The following CAMK2D variants were observed in gnomAD, a reference collection of about 807,000 sequenced individuals.
CAMK2D encodes the protein calcium/calmodulin-dependent protein kinase type II subunit delta.
CAMK2D carries 37 observed loss-of-function variants against 84.0 expected under a neutral mutation model. The observed-to-expected ratio is 0.44, with a 90% CI of 0.34 to 0.58. The LOEUF is 0.58. CAMK2D is among the 20% of genes least tolerant of loss of function. The pLI, the probability that CAMK2D is intolerant of heterozygous loss-of-function variation, is 0.02. For synonymous variants in CAMK2D, 202 were observed against 212.5 expected (o/e 0.95, Z 0.43); for missense variants, 448 against 652.5 (o/e 0.69, Z 3.41).
At chr4:113,625,931 T>C (rs2099066166) in intron 3 of CAMK2D, among the ~76,000 whole-genome samples, 1 of 151,880 alleles carries the variant, frequency 6.6e-6, no homozygotes, top group South Asian at 2.1e-4. Flanking sequence ...GGAGAATCGC[T>C]TGAACCCAGG....
At chr4:113,743,167 C>T (rs1279585526) in intron 2 of CAMK2D, among the ~76,000 whole-genome samples, 1 of 152,150 alleles carries the variant, frequency 6.6e-6, no homozygotes, top group Non-Finnish European at 1.5e-5. Flanking sequence ...CATCTCTCTG[C>T]TAGATGCAAC....
intron 2 of CAMK2D, among the ~76,000 whole-genome samples, chr4:113,736,831 G>A (rs908534141): frequency 4.6e-5 from 7 of 152,132 alleles, no homozygotes; most frequent in African/African-American, 7.2e-5. Flanking sequence ...CTGGTTCCTC[G>A]TGATTCATTA....
At chr4:113,645,894 C>T (rs1210858035) in intron 3 of CAMK2D, among the ~76,000 whole-genome samples, 1 of 152,182 alleles carries the variant, frequency 6.6e-6, no homozygotes, top group Non-Finnish European at 1.5e-5. Context: ...GTATGAGAAA[C>T]ACATCAAAGA....
chr4:113,479,585 C>T (rs1013483927), intron 16 of CAMK2D, among the ~76,000 whole-genome samples: 2 of 152,126 alleles, frequency 1.3e-5, no homozygotes, highest in African/African-American at 4.8e-5. Flanking sequence ...TAAAAGAACA[C>T]CGTCATCTTC....
intron 4 of CAMK2D, among the ~76,000 whole-genome samples, chr4:113,572,448 T>A (rs1328987366): frequency 6.9e-5 from 10 of 144,926 alleles, no homozygotes; most frequent in African/African-American, 2.3e-4. Flanking sequence ...AATTTTTATT[T>A]AAAAAAAAAA....
At chr4:113,508,721 A>G (rs2098166356) in intron 13 of CAMK2D, among the ~76,000 whole-genome samples, 1 of 152,242 alleles carries the variant, frequency 6.6e-6, no homozygotes, top group Non-Finnish European at 1.5e-5. Flanking sequence ...TTGCACACAG[A>G]CAGGTGGTAA....
chr4:113,486,850 T>C (rs1169485072), intron 16 of CAMK2D, among the ~76,000 whole-genome samples: 1 of 152,208 alleles, frequency 6.6e-6, no homozygotes, highest in Non-Finnish European at 1.5e-5. Context: ...TAGAATACAG[T>C]CCCTATAATC....
chr4:113,745,752 C>T (rs1360922690), intron 2 of CAMK2D, among the ~76,000 whole-genome samples: 2 of 152,128 alleles, frequency 1.3e-5, no homozygotes, highest in African/African-American at 2.4e-5. Context: ...AAAGATAGAA[C>T]ATTTTTATAG....
At chr4:113,585,816 C>A (rs954487193) in intron 4 of CAMK2D, among the ~76,000 whole-genome samples, 2 of 152,020 alleles carry the variant, frequency 1.3e-5, no homozygotes, top group Non-Finnish European at 2.9e-5. Flanking sequence ...AAATGCAGTT[C>A]CAGTTTTGTA....
intron 6 of CAMK2D, among the ~76,000 whole-genome samples, 182 bp downstream of exon 6, chr4:113,547,462 G>A (rs2098587814): frequency 6.6e-6 from 1 of 152,196 alleles, no homozygotes; most frequent in Non-Finnish European, 1.5e-5. Context: ...AGATTTATAT[G>A]TCTCAAGTGT....
Position 113,708,700 on chromosome 4 carries a change from T to G in CAMK2D, c.161-46928A>C, listed in dbSNP as rs141074408. Among the ~76,000 whole-genome samples the G allele has an allele frequency of 8.1e-3, 1,231 of 152,232 alleles. 6 individuals carry two copies. The highest frequency in any genetic ancestry group is 0.028 in the African/African-American group (1,160 of 41,538). On this transcript the variant is annotated intron_variant, in intron 2 of 20. Transcript: ENST00000511664. ...TCAAACTGAACACGTTTTCTTCCCT[T>G]CAAAATAAAAGGTTTTGTTGTTGTT...
At chr4:113,563,838 C>T (rs1203828747) in intron 4 of CAMK2D, among the ~76,000 whole-genome samples, 5 of 152,164 alleles carry the variant, frequency 3.3e-5, no homozygotes, top group Non-Finnish European at 5.9e-5. Flanking sequence ...TATCCTATCC[C>T]ACCCAAATAT....
intron 4 of CAMK2D, among the ~76,000 whole-genome samples, chr4:113,568,217 C>T (rs1218813259): frequency 1.3e-5 from 2 of 152,098 alleles, no homozygotes; most frequent in Admixed American, 6.6e-5. Context: ...AACTCTGTAC[C>T]CCAAAACTAT....
At chr4:113,702,729 C>T (rs1286501560) in intron 2 of CAMK2D, among the ~76,000 whole-genome samples, 13 of 151,984 alleles carry the variant, frequency 8.6e-5, no homozygotes, top group East Asian at 1.9e-4. Flanking sequence ...GCCAACATGG[C>T]GAAATCTCAT....
At chr4:113,547,860 T>C in intron 5 of CAMK2D, 144 bp from the exon 6 acceptor site, 1 of 472,036 alleles carries the variant, frequency 2.1e-6, no homozygotes, top group Non-Finnish European at 3.8e-6. Context: ...AACATATTGC[T>C]CAAGTAGAGT....
chr4:113,740,515 A>T (rs1189423570), intron 2 of CAMK2D, among the ~76,000 whole-genome samples: 1 of 152,086 alleles, frequency 6.6e-6, no homozygotes, highest in African/African-American at 2.4e-5. Flanking sequence ...ATCATTGCTA[A>T]TAGGTAAGGT....
intron 13 of CAMK2D, among the ~76,000 whole-genome samples, chr4:113,508,490 C>G (rs1003877355): frequency 2.6e-5 from 4 of 152,062 alleles, no homozygotes; most frequent in African/African-American, 4.8e-5. Flanking sequence ...TACAGGAAAG[C>G]CCAGGAGAAG....
chr4:113,675,529 C>G (rs1028316736), intron 2 of CAMK2D, among the ~76,000 whole-genome samples: 3 of 152,122 alleles, frequency 2.0e-5, no homozygotes, highest in African/African-American at 7.2e-5. Context: ...GAATGCCCCT[C>G]CGTGCAATTT....
Position 113,761,170 on chromosome 4 carries a change from C to G in CAMK2D, c.-102G>C. 6.3e-7 allele frequency: 1 copy of G among 1,594,304 alleles called. No individual in the cohort carries two copies. The highest frequency in any genetic ancestry group is 8.5e-7 in the Non-Finnish European group (1 of 1,174,232). ...GCCCCGCGGCGCTGTCACCCAGGGCCGCTCTTACTTTCCTGGTCCGAAAGT... is the reference window on the plus strand; with the variant it reads ...GCCCCGCGGCGCTGTCACCCAGGGCGGCTCTTACTTTCCTGGTCCGAAAGT... On this transcript the variant is annotated 5_prime_UTR_variant, in exon 1 of 21. Transcript: ENST00000511664.
Sources: allele counts gnomAD v4.1 joint callset (sites outside exome capture counted in the v4.1 genomes callset), GRCh38; gene constraint gnomAD v4.1.1; transcripts MANE v1.5; gene names NCBI Gene and HGNC (gene_info 2026-07-23, HGNC 2026-07-21).